PRSS48: variants seen among roughly 807,000 people sequenced by gnomAD.
PRSS48 encodes the protein epidermis-specific serine protease-like protein.
In PRSS48, 21 loss-of-function variants were observed where a neutral mutation model predicts 25.6. The ratio of observed to expected loss-of-function variants is 0.82; its 90% CI spans 0.58 to 1.18. PRSS48 has a LOEUF of 1.18. Ranked by LOEUF, PRSS48 falls within the 50% of genes most tolerant of loss-of-function variation. The pLI is 0.00. For synonymous variants in PRSS48, 150 were observed against 149.3 expected (o/e 1.00, Z -0.04); for missense variants, 373 against 399.3 (o/e 0.93, Z 0.56).
At chr4:151,286,772 G>C (rs963382958) in intron 4 of PRSS48, among the ~76,000 whole-genome samples, 2 of 151,686 alleles carry the variant, frequency 1.3e-5, no homozygotes, top group African/African-American at 2.4e-5. Context: ...TTGAGGCCAG[G>C]AGTTCGAGAC....
intron 1 of PRSS48, 140 bp from the exon 2 acceptor site, chr4:151,279,655 GA>G: frequency 1.4e-6 from 1 of 723,928 alleles, no homozygotes; most frequent in East Asian, 2.7e-5. Context: ...GCTGGGTGTG[GA>G]ACCAGAATAG....
At chr4:151,284,557 T>C (rs1774553907) in intron 4 of PRSS48, among the ~76,000 whole-genome samples, 2 of 152,232 alleles carry the variant, frequency 1.3e-5, no homozygotes, top group African/African-American at 4.8e-5. Flanking sequence ...CCAAAATCAA[T>C]CTGAGTTATC....
intron 3 of PRSS48, 70 bp from the exon 4 acceptor site, chr4:151,283,047 A>T: frequency 6.9e-7 from 1 of 1,455,600 alleles, no homozygotes; most frequent in Non-Finnish European, 9.6e-7. Flanking sequence ...ACTTCTGCAC[A>T]TCATGACTGA....
At chr4:151,291,687 G>A (rs1775349899), downstream of PRSS48, among the ~76,000 whole-genome samples, 1 of 152,154 alleles carries the variant, frequency 6.6e-6, no homozygotes, top group Non-Finnish European at 1.5e-5. Context: ...AGACTAATGT[G>A]TCTTCCAAGG....
intron 1 of PRSS48, 79 bp downstream of exon 1, chr4:151,277,303 C>T: frequency 1.7e-6 from 2 of 1,162,048 alleles, no homozygotes; most frequent in Non-Finnish European, 2.3e-6. Flanking sequence ...CAATGTGACA[C>T]TTCACCCATG....
intron 4 of PRSS48, among the ~76,000 whole-genome samples, chr4:151,284,657 TA>T (rs1397591786): frequency 6.6e-6 from 1 of 152,224 alleles, no homozygotes; most frequent in African/African-American, 2.4e-5. Flanking sequence ...TTGTTTACTT[TA>T]ATATCTAATC....
chr4:151,288,647 C>A (rs1004054719), intron 4 of PRSS48, among the ~76,000 whole-genome samples: 2 of 149,342 alleles, frequency 1.3e-5, no homozygotes, highest in Non-Finnish European at 3.0e-5. Flanking sequence ...CCAGCCTGGG[C>A]GGGGCAACGA....
intron 4 of PRSS48, among the ~76,000 whole-genome samples, chr4:151,290,676 A>G (rs1349033989): frequency 6.6e-6 from 1 of 152,222 alleles, no homozygotes; most frequent in Non-Finnish European, 1.5e-5. Context: ...TATGTGAATT[A>G]TATGACAGTA....
At chr4:151,291,521 G>A, downstream of PRSS48, 1 of 1,210,386 alleles carries the variant, frequency 8.3e-7, no homozygotes, top group Non-Finnish European at 1.1e-6. Context: ...TGTTTTTAAG[G>A]TTTTTGATTT....
chr4:151,278,670 G>A (rs938951615), intron 1 of PRSS48, among the ~76,000 whole-genome samples: 7 of 151,204 alleles, frequency 4.6e-5, no homozygotes, highest in East Asian at 3.9e-4. Context: ...TCACTCTCTC[G>A]CCCAGGCTGG....
intron 4 of PRSS48, among the ~76,000 whole-genome samples, chr4:151,286,335 G>GA (rs200039550): frequency 2.8e-5 from 4 of 145,214 alleles, no homozygotes; most frequent in African/African-American, 7.6e-5. Context: ...CAATAAAATT[G>GA]AAAAAAAACT....
At chr4:151,285,490 C>T (rs976050990) in intron 4 of PRSS48, among the ~76,000 whole-genome samples, 6 of 152,056 alleles carry the variant, frequency 3.9e-5, no homozygotes, top group African/African-American at 1.4e-4. Flanking sequence ...TAACACACTG[C>T]TAAATTAGGA....
rs775083473 is a variant in PRSS48 at position 151,277,236 on chromosome 4, G to A, written c.52+12G>A. On this transcript the variant is annotated intron_variant, in intron 1 of 4. Coordinates refer to ENST00000455694, the Ensembl canonical transcript of PRSS48. ...GCTGGGGATCTCAGGTGAGCGCCAG[G>A]GTGGGGTTGAGAAGGCAGAGGCAGA... is the stretch of plus-strand genomic sequence containing the variant. 30 of 1,497,514 alleles carry A rather than the reference G, an allele frequency of 2.0e-5. No individual in the cohort carries two copies. The East Asian group carries it at 7.4e-4, about 37-fold the overall frequency. 92.8% of individuals were successfully genotyped at this position (1,497,514 alleles called of 1,614,324 possible). A position where few individuals can be genotyped will look rare whatever the true frequency, so the allele number is the denominator to read the frequency against.
intron 1 of PRSS48, 64 bp downstream of exon 1, chr4:151,277,288 T>C (rs1561423051): frequency 6.9e-6 from 9 of 1,295,232 alleles, no homozygotes; most frequent in Non-Finnish European, 7.2e-6. Context: ...GGGCATCACA[T>C]AGAACAATGT....
At chr4:151,281,428 C>G (rs1193432809) in intron 2 of PRSS48, among the ~76,000 whole-genome samples, 2 of 152,108 alleles carry the variant, frequency 1.3e-5, no homozygotes, top group Non-Finnish European at 2.9e-5. Flanking sequence ...GTTATGATAA[C>G]ACTGGCTAGG....
intron 4 of PRSS48, among the ~76,000 whole-genome samples, chr4:151,283,722 C>G (rs1342335401): frequency 1.3e-5 from 2 of 151,992 alleles, no homozygotes; most frequent in African/African-American, 4.8e-5. Context: ...TGAGGTCTCA[C>G]TATGTTGCCC....
At chr4:151,283,525 TTTTTA>T (rs929891824) in intron 4 of PRSS48, among the ~76,000 whole-genome samples, 23 of 150,312 alleles carry the variant, frequency 1.5e-4, no homozygotes, top group African/African-American at 5.6e-4. Flanking sequence ...TTTTTTTTTT[TTTTTA>T]AATTAGAGAC....
chr4:151,279,044 T>C (rs1246684486), intron 1 of PRSS48: 1 of 380,836 alleles, frequency 2.6e-6, no homozygotes, highest in Non-Finnish European at 5.0e-6. Flanking sequence ...GTATGTAGTG[T>C]GCTGTTGTCA....
intron 4 of PRSS48, among the ~76,000 whole-genome samples, chr4:151,285,307 C>T (rs1056072438): frequency 1.3e-5 from 2 of 152,132 alleles, no homozygotes; most frequent in African/African-American, 4.8e-5. Flanking sequence ...AATATACTTT[C>T]CTCTTAAGTG....
Sources: allele counts gnomAD v4.1 joint callset (sites outside exome capture counted in the v4.1 genomes callset), GRCh38; gene constraint gnomAD v4.1.1; transcripts MANE v1.5; gene names NCBI Gene and HGNC (gene_info 2026-07-23, HGNC 2026-07-21).